The following DENND1B variants were observed in gnomAD, a reference collection of about 807,000 sequenced individuals.
DENND1B encodes DENN domain containing 1B, also known as DENN domain-containing protein 1B.
DENND1B carries 59 observed loss-of-function variants against 90.1 expected under a neutral mutation model. The ratio of observed to expected loss-of-function variants is 0.65; its 90% CI spans 0.53 to 0.81. The LOEUF (loss-of-function observed/expected upper bound fraction) is 0.81. Among genes scored for constraint, DENND1B ranks in the 40% least tolerant of loss-of-function variants. The probability of loss-of-function intolerance (pLI) is 0.00; values close to 1 mark genes in which losing one functional copy is unlikely to be tolerated. For synonymous variants in DENND1B, 337 were observed against 324.6 expected, an observed-to-expected ratio of 1.04 and a Z score of -0.41; for missense variants, 862 against 912.6, an observed-to-expected ratio of 0.94 and a Z score of 0.71.
chr1:197,576,631 A>G (rs1019422801), intron 15 of DENND1B, among the ~76,000 whole-genome samples: 1 of 152,210 alleles, frequency 6.6e-6, no homozygotes, highest in Non-Finnish European at 1.5e-5. Flanking sequence ...TGTTTTGGAA[A>G]AATGCAGAAT....
chr1:197,592,192 C>A (rs915698312), intron 14 of DENND1B, among the ~76,000 whole-genome samples: 2 of 150,584 alleles, frequency 1.3e-5, no homozygotes, highest in African/African-American at 4.9e-5. Context: ...AGAGAGGGAC[C>A]GTGAAAAAAA....
intron 20 of DENND1B, among the ~76,000 whole-genome samples, chr1:197,528,940 T>A (rs1391467919): frequency 1.3e-5 from 2 of 151,990 alleles, no homozygotes; most frequent in Admixed American, 1.3e-4. Flanking sequence ...TGTGACTATA[T>A]TAAGTAAAAT....
At chr1:197,766,659 C>G (rs1043288363) in intron 2 of DENND1B, among the ~76,000 whole-genome samples, 1 of 152,138 alleles carries the variant, frequency 6.6e-6, no homozygotes, top group Non-Finnish European at 1.5e-5. Context: ...ATATGGACTT[C>G]TATTTCTAAT....
At chr1:197,522,222 C>T (rs979973243) in intron 20 of DENND1B, among the ~76,000 whole-genome samples, 1 of 152,000 alleles carries the variant, frequency 6.6e-6, no homozygotes, top group Admixed American at 6.6e-5. Flanking sequence ...TGAAAACATA[C>T]GTGTCAGGGC....
intron 16 of DENND1B, among the ~76,000 whole-genome samples, chr1:197,550,191 C>A (rs1412815515): frequency 6.6e-6 from 1 of 152,058 alleles, no homozygotes; most frequent in Non-Finnish European, 1.5e-5. Context: ...AAAAAATCTA[C>A]AAGAAATTCA....
intron 3 of DENND1B, among the ~76,000 whole-genome samples, chr1:197,675,029 AAAAT>A (rs1471418080): frequency 6.6e-6 from 1 of 150,422 alleles, no homozygotes; most frequent in African/African-American, 2.5e-5. Flanking sequence ...TTATATTTGA[AAAAT>A]AAAATTAAGT....
At chr1:197,674,758 T>G (rs570978912) in intron 3 of DENND1B, among the ~76,000 whole-genome samples, 1 of 152,076 alleles carries the variant, frequency 6.6e-6, no homozygotes, top group East Asian at 1.9e-4. Flanking sequence ...CTTAACACTC[T>G]TAAAGAAATG....
rs751607751 is a variant in DENND1B at position 197,645,703 on chromosome 1, G to A, written c.548C>T (p.Thr183Ile). Residue 183 changes from threonine to isoleucine, a missense_variant, in exon 9 of 23, where the codon ACA becomes ATA. Coordinates refer to ENST00000620048, the MANE Select transcript of DENND1B (RefSeq NM_001195215.2). ...TAGGAAACTTACACTCTCGGGTATT[G>A]TTGGGAGTCCAGTTACATCAGGGGC... ...FIAPDVTGLP[T>I]IPESRNLTEY... 3.2e-6 allele frequency: 5 copies of A among 1,565,084 alleles called. No individual in the cohort carries two copies. The highest frequency in any genetic ancestry group is 4.3e-6 in the Non-Finnish European group (5 of 1,154,982).
At position 197,511,717 on chromosome 1, in the gene DENND1B, A is replaced by AC. The variant is rs1668041560; in HGVS notation, c.1815+10_1815+11insG. Reference sequence around the variant, plus strand: ...TCTTCTAATTTTATAAGTAAAAAAAAATCTACTAACCGTAGGTTTGTAATC... The same window carrying AC: ...TCTTCTAATTTTATAAGTAAAAAAAACATCTACTAACCGTAGGTTTGTAATC... On this transcript the variant is annotated intron_variant, in intron 22 of 22. Transcript: ENST00000620048. 1 of 1,567,560 alleles carries AC rather than the reference A, an allele frequency of 6.4e-7. No individual in the cohort carries two copies. The highest frequency in any genetic ancestry group is 8.6e-7 in the Non-Finnish European group (1 of 1,159,420).
chr1:197,748,059 G>A (rs1477863128), intron 2 of DENND1B, among the ~76,000 whole-genome samples: 3 of 151,974 alleles, frequency 2.0e-5, no homozygotes, highest in Non-Finnish European at 2.9e-5. Flanking sequence ...TAGCCTTAGA[G>A]GTAAAATACT....
At chr1:197,627,879 C>A (rs573124270) in intron 10 of DENND1B, among the ~76,000 whole-genome samples, 1 of 152,070 alleles carries the variant, frequency 6.6e-6, no homozygotes, top group South Asian at 2.1e-4. Context: ...TTCTTATACA[C>A]CAATAACAGA....
chr1:197,626,704 CAA>C (rs537613589), intron 10 of DENND1B, among the ~76,000 whole-genome samples: 67 of 150,666 alleles, frequency 4.4e-4, no homozygotes, highest in Non-Finnish European at 9.0e-4. Context: ...AATAGAGACA[CAA>C]AAAAAACCCT....
At chr1:197,512,985 T>G (rs1668138548) in intron 20 of DENND1B, 32 bp from the exon 21 acceptor site, 1 of 1,572,598 alleles carries the variant, frequency 6.4e-7, no homozygotes, top group East Asian at 2.3e-5. Flanking sequence ...AAATTGGCAT[T>G]AGCAGTTTAA....
At chr1:197,692,401 T>G (rs548990166) in intron 3 of DENND1B, among the ~76,000 whole-genome samples, 2 of 150,268 alleles carry the variant, frequency 1.3e-5, no homozygotes, top group African/African-American at 5.0e-5. Context: ...GTATACAAAG[T>G]TCTTCATAAT....
chr1:197,673,016 G>A (rs1337992767), intron 4 of DENND1B, among the ~76,000 whole-genome samples: 1 of 151,896 alleles, frequency 6.6e-6, no homozygotes, highest in African/African-American at 2.4e-5. Context: ...ATAGCCATAG[G>A]GATTGTGCAG....
At chr1:197,516,096 T>C (rs1668378720) in intron 20 of DENND1B, among the ~76,000 whole-genome samples, 2 of 151,834 alleles carry the variant, frequency 1.3e-5, no homozygotes, top group South Asian at 4.1e-4. Context: ...ATTCTATCCA[T>C]TTCTATATAG....
At chr1:197,626,502 C>G (rs61829317) in intron 10 of DENND1B, among the ~76,000 whole-genome samples, 20 of 151,990 alleles carry the variant, frequency 1.3e-4, no homozygotes, top group Non-Finnish European at 2.2e-4. Flanking sequence ...CAACATACCA[C>G]AATCTCTGGG....
rs184188183 is a variant in DENND1B at position 197,538,526 on chromosome 1, G to A, written c.1515+1438C>T. ...ATCAGCTTAATAAATGAATAATCAC[G>A]AGGAAATACTCAGTATGTTACAAAA... is the stretch of plus-strand genomic sequence containing the variant. On this transcript the variant is annotated intron_variant, in intron 20 of 22. Transcript: ENST00000620048. 1.5e-3 allele frequency among the ~76,000 whole-genome samples: 222 copies of A among 152,106 alleles called. 1 individual carries two copies. Among genetic ancestry groups the A allele is most frequent in the Non-Finnish European group, 2.1e-3 (145 of 67,980 alleles).
Position 197,641,958 on chromosome 1 carries a change from T to C in DENND1B, c.672+753A>G, listed in dbSNP as rs1570810. 8.4e-3 allele frequency among the ~76,000 whole-genome samples: 1,280 copies of C among 152,244 alleles called. 19 individuals are homozygous for C. Among genetic ancestry groups the C allele is most frequent in the African/African-American group, 0.028 (1,176 of 41,556 alleles). On this transcript the variant is annotated intron_variant, in intron 10 of 22. Transcript: ENST00000620048. ...AAATTCATAAAATATTGAATAATAGTTTTTGCTAAATAAATACATCATAGA... is the reference window on the plus strand; with the variant it reads ...AAATTCATAAAATATTGAATAATAGCTTTTGCTAAATAAATACATCATAGA...
Sources: gnomAD v4.1 joint callset for allele counts (sites outside exome capture counted in the v4.1 genomes callset) on GRCh38, gnomAD v4.1.1 for gene constraint, MANE v1.5 for transcripts, NCBI Gene and HGNC (gene_info 2026-07-23, HGNC 2026-07-21) for gene names.